The following DACH2 variants were observed in gnomAD, a reference collection of about 807,000 sequenced individuals.
DACH2 encodes the protein dachshund homolog 2.
In DACH2, 17 loss-of-function variants were observed where a neutral mutation model predicts 35.8. That is an observed-to-expected ratio of 0.48 (90% confidence interval 0.33 to 0.71). The LOEUF (loss-of-function observed/expected upper bound fraction) is 0.71. Among genes scored for constraint, DACH2 ranks in the 30% least tolerant of loss-of-function variants. The pLI, the probability that DACH2 is intolerant of heterozygous loss-of-function variation, is 0.02. For synonymous variants in DACH2, 195 were observed against 177.3 expected, an observed-to-expected ratio of 1.10 and a Z score of -0.79; for missense variants, 469 against 472.7, an observed-to-expected ratio of 0.99 and a Z score of 0.07.
chrX:86,434,189 TA>T (rs1020330441), intron 2 of DACH2, among the ~76,000 whole-genome samples: 2 of 112,212 alleles, frequency 1.8e-5, no homozygotes, highest in African/African-American at 3.2e-5. Flanking sequence ...TGCCGACTTT[TA>T]TTTTTTTATT....
intron 3 of DACH2, among the ~76,000 whole-genome samples, chrX:86,589,396 T>C (rs2148347901): frequency 9.0e-6 from 1 of 111,529 alleles, no homozygotes; most frequent in East Asian, 2.8e-4. Context: ...TCATATTATT[T>C]ATTTTTTAGA....
intron 4 of DACH2, among the ~76,000 whole-genome samples, chrX:86,660,850 T>G (rs772756054): frequency 4.5e-5 from 5 of 111,616 alleles, no homozygotes; most frequent in Middle Eastern, 4.7e-3. Flanking sequence ...TAAAGGCAGT[T>G]TAATAAGCAT....
chrX:86,148,583 G>A lies in DACH2; in HGVS notation c.-38G>A, dbSNP rs373957259. 4.4e-6 allele frequency: 5 copies of A among 1,124,451 alleles called. No homozygotes were observed. The highest frequency in any genetic ancestry group is 5.9e-6 in the Non-Finnish European group (5 of 853,639). The allele number at this position is 1,124,451 out of a possible 1,213,427, so 92.7% of individuals were successfully genotyped here. ...GATCTAGAGGAGTCAGGGCGAGAAA[G>A]CGAGGGCCGGAGGACCCACGATAGA... On this transcript the variant is annotated 5_prime_UTR_variant, in exon 1 of 12. Coordinates refer to ENST00000373125, the MANE Select transcript of DACH2 (RefSeq NM_053281.3).
At chrX:86,800,752 C>T (rs1301446893) in intron 7 of DACH2, among the ~76,000 whole-genome samples, 3 of 111,569 alleles carry the variant, frequency 2.7e-5, no homozygotes, top group Non-Finnish European at 5.6e-5. Flanking sequence ...ACACTGCAAC[C>T]TTCGCCTTCT....
At chrX:86,717,707 A>T (rs961784026) in intron 6 of DACH2, among the ~76,000 whole-genome samples, 2 of 103,926 alleles carry the variant, frequency 1.9e-5, no homozygotes, top group African/African-American at 7.0e-5. Flanking sequence ...TAAAAAGCAA[A>T]CCTGGGAGCA....
At chrX:86,658,088 T>G (rs2040563759) in intron 4 of DACH2, among the ~76,000 whole-genome samples, 1 of 111,430 alleles carries the variant, frequency 9.0e-6, no homozygotes, top group African/African-American at 3.2e-5. Flanking sequence ...AGTACTATCT[T>G]CCTAGAGGGT....
chrX:86,182,770 A>G (rs1327018766), intron 1 of DACH2, among the ~76,000 whole-genome samples: 1 of 105,012 alleles, frequency 9.5e-6, no homozygotes, highest in African/African-American at 3.5e-5. Context: ...TTTGGTCAGT[A>G]TGGCCATTTT....
Position 86,272,844 on chromosome X carries a change from C to T in DACH2, c.489-103980C>T, listed in dbSNP as rs73516046. Among the ~76,000 whole-genome samples, 165 of 111,918 alleles carry T rather than the reference C, an allele frequency of 1.5e-3. 1 individual carries two copies. The highest frequency in any genetic ancestry group is 5.3e-3 in the African/African-American group (164 of 30,942). ...TTAAATACTATCAGATCTCTCAATG[C>T]GATAACGTAGCTTTTAATCAACATA... On this transcript the variant is annotated intron_variant, in intron 1 of 11. Transcript: ENST00000373125.
chrX:86,555,396 G>A (rs1487336287), intron 3 of DACH2, among the ~76,000 whole-genome samples: 1 of 111,387 alleles, frequency 9.0e-6, no homozygotes, highest in Non-Finnish European at 1.9e-5. Flanking sequence ...CATTCTGGAG[G>A]TCCTAGTGCT....
chrX:86,664,687 A>G (rs766856321), intron 4 of DACH2, among the ~76,000 whole-genome samples: 3 of 112,089 alleles, frequency 2.7e-5, no homozygotes, highest in Non-Finnish European at 5.6e-5. Flanking sequence ...AAGCCCATGC[A>G]TTATTTAGAA....
intron 1 of DACH2, among the ~76,000 whole-genome samples, chrX:86,219,882 G>A (rs188723337): frequency 2.3e-3 from 245 of 108,436 alleles, no homozygotes; most frequent in African/African-American, 8.0e-3. Flanking sequence ...CTGGCCGGGA[G>A]CGGTGGCTCA....
chrX:86,565,501 C>G (rs1053269519), intron 3 of DACH2, among the ~76,000 whole-genome samples: 1 of 111,374 alleles, frequency 9.0e-6, no homozygotes, highest in African/African-American at 3.3e-5. Flanking sequence ...TCAACAAGCC[C>G]TCTGGGTGAT....
intron 4 of DACH2, among the ~76,000 whole-genome samples, chrX:86,664,679 GC>G (rs2040645761): frequency 8.9e-6 from 1 of 111,927 alleles, no homozygotes; most frequent in Non-Finnish European, 1.9e-5. Context: ...TAAAAGAAAA[GC>G]CCATGCATTA....
At chrX:86,788,202 C>A (rs1406751628) in intron 7 of DACH2, among the ~76,000 whole-genome samples, 1 of 110,898 alleles carries the variant, frequency 9.0e-6, no homozygotes, top group Admixed American at 9.7e-5. Context: ...TTAAACTCTG[C>A]CATTTTGCTT....
chrX:86,284,362 T>C (rs935607698), intron 1 of DACH2, among the ~76,000 whole-genome samples: 1 of 111,986 alleles, frequency 8.9e-6, no homozygotes, highest in East Asian at 2.8e-4. Context: ...GTTGTTGTTC[T>C]TCATTCCGTT....
intron 7 of DACH2, among the ~76,000 whole-genome samples, chrX:86,765,698 G>T (rs201174117): frequency 0.05 from 1,226 of 24,489 alleles, 11 homozygotes; most frequent in East Asian, 0.13. Flanking sequence ...TTGTTTTTTG[G>T]TTTTTTTTTT....
At chrX:86,485,533 A>G (rs1292058936) in intron 2 of DACH2, among the ~76,000 whole-genome samples, 5 of 111,639 alleles carry the variant, frequency 4.5e-5, no homozygotes, top group Non-Finnish European at 9.4e-5. Flanking sequence ...ATCACAAAGA[A>G]ATTATAAATG....
intron 2 of DACH2, among the ~76,000 whole-genome samples, chrX:86,435,745 T>G (rs1338202501): frequency 8.9e-6 from 1 of 111,848 alleles, no homozygotes; most frequent in Non-Finnish European, 1.9e-5. Context: ...GAGTATTAAT[T>G]TGTATATTTT....
rs1771519887 is a variant in DACH2 at position 86,422,606 on chromosome X, T to C, written c.527+45744T>C. Among the ~76,000 whole-genome samples, 3 of 110,898 alleles carry C rather than the reference T, an allele frequency of 2.7e-5. No individual in the cohort carries two copies. In the Admixed American group the frequency reaches 2.9e-4, roughly 11 times the overall value. Reference sequence around the variant, plus strand: ...GGAATGTTTTGATACAGGCATGCGATGTGAAATAAGCACATCATGGATAAT... The same window carrying C: ...GGAATGTTTTGATACAGGCATGCGACGTGAAATAAGCACATCATGGATAAT... On this transcript the variant is annotated intron_variant, in intron 2 of 11. Transcript: ENST00000373125.
Sources: gnomAD v4.1 joint callset for allele counts (sites outside exome capture counted in the v4.1 genomes callset) on GRCh38, gnomAD v4.1.1 for gene constraint, MANE v1.5 for transcripts, NCBI Gene and HGNC (gene_info 2026-07-23, HGNC 2026-07-21) for gene names.